PRDM15: variants seen among roughly 807,000 people sequenced by gnomAD.
PRDM15 encodes the protein PR/SET domain 15.
A neutral mutation model predicts 128.6 loss-of-function variants in PRDM15; 64 were observed. That is an observed-to-expected ratio of 0.50 (90% CI 0.41 to 0.61). PRDM15 has a LOEUF of 0.61. Ranked by LOEUF, PRDM15 falls within the 20% of genes least tolerant of loss-of-function variation. The pLI, the probability that PRDM15 is intolerant of heterozygous loss-of-function variation, is 0.00. For missense variants in PRDM15, 1,242 were observed against 1,569.1 expected, an observed-to-expected ratio of 0.79 and a Z score of 3.52; for synonymous variants, 615 against 621.8, an observed-to-expected ratio of 0.99 and a Z score of 0.16.
chr21:41,812,113 T>C (rs2061885767), intron 19 of PRDM15: 1 of 152,208 alleles, frequency 6.6e-6, no homozygotes, highest in Non-Finnish European at 1.5e-5. Context: ...CCACGGATTC[T>C]AAGACTCCAC....
chr21:41,834,139 C>A (rs2146547981), intron 11 of PRDM15, among the ~76,000 whole-genome samples: 1 of 152,298 alleles, frequency 6.6e-6, no homozygotes, highest in East Asian at 1.9e-4. Context: ...TCATGCCAGA[C>A]ATGGATCCTT....
chr21:41,830,820 T>C (rs1004417882), intron 11 of PRDM15, among the ~76,000 whole-genome samples: 6 of 152,194 alleles, frequency 3.9e-5, no homozygotes, highest in African/African-American at 4.8e-5. Context: ...AGTCAAACTG[T>C]GGTTTCGGCT....
rs1380889147 is a variant in PRDM15 at position 41,859,510 on chromosome 21, C to T, written c.131+82G>A. ...TCTGTTCTCCCTCAGGCTCCTTCCT[C>T]CCCGTCTGCAGACCCAAAGGCCACT... On this transcript the variant is annotated intron_variant, in intron 3 of 23. Transcript: ENST00000398548. The surrounding 1 kb of genome is among the most constrained non-coding windows in gnomAD (Gnocchi z 5.3). The T allele has an allele frequency of 8.9e-7, 1 of 1,120,184 alleles. No homozygotes were observed. The highest frequency in any genetic ancestry group is 1.3e-6 in the Non-Finnish European group (1 of 764,388). The allele number at this position is 1,120,184 out of a possible 1,614,324, so 69.4% of individuals were successfully genotyped here.
chr21:41,820,964 C>A (rs539880483), intron 16 of PRDM15, 103 bp downstream of exon 16: 1 of 1,456,498 alleles, frequency 6.9e-7, no homozygotes, highest in Non-Finnish European at 9.5e-7. Context: ...GAGGACATCA[C>A]TTGTTGGAAG....
intron 21 of PRDM15, among the ~76,000 whole-genome samples, chr21:41,806,420 ACC>A (rs2061635553): frequency 1.7e-5 from 1 of 60,342 alleles, no homozygotes; most frequent in Non-Finnish European, 3.5e-5. Context: ...CATCACCACC[ACC>A]ACCATCACCA....
At chr21:41,825,819 A>G in intron 13 of PRDM15, 141 bp downstream of exon 13, 1 of 624,232 alleles carries the variant, frequency 1.6e-6, no homozygotes, top group Admixed American at 3.0e-5. Flanking sequence ...ATGGGTGGAC[A>G]CCAGTTTAAG....
chr21:41,826,407 C>T (rs76916727), intron 12 of PRDM15, among the ~76,000 whole-genome samples: 3,230 of 152,256 alleles, frequency 0.021, 108 homozygotes, highest in African/African-American at 0.074. Flanking sequence ...ACTTCTAACT[C>T]CATCTAAAGG....
At position 41,878,828 on chromosome 21, in the gene PRDM15, G is replaced by T. The variant is rs1294403624; in HGVS notation, c.-10+442C>A. 10 of 989,014 alleles carry T rather than the reference G, an allele frequency of 1.0e-5. No homozygotes were observed. In the African/African-American group the frequency reaches 3.5e-4, roughly 34 times the overall value. The allele number at this position is 989,014 out of a possible 1,614,324, so 61.3% of individuals were successfully genotyped here. A position where few individuals can be genotyped will look rare whatever the true frequency, so the allele number is the denominator to read the frequency against. ...GCGACGACGCCGCCCGGCGGCGGGG[G>T]CCGCGGGGCCGCGGGCCGGGGCGGC... On this transcript the variant is annotated intron_variant, in intron 1 of 23. Transcript: ENST00000398548.
chr21:41,860,391 G>T lies in PRDM15; in HGVS notation c.-9-19C>A. The T allele has an allele frequency of 6.2e-7, 1 of 1,610,462 alleles. No homozygotes were observed. ...CTGACACCTGTCAGGATACAAGAGA[G>T]CCTCATTAATGACAAGCTCTTACCA... On this transcript the variant is annotated intron_variant, in intron 1 of 23. Transcript: ENST00000398548.
rs2063857492 is a variant in PRDM15 at position 41,862,610 on chromosome 21, T to A, written c.-9-2238A>T. Among the ~76,000 whole-genome samples the A allele has an allele frequency of 6.6e-6, 1 of 152,178 alleles. No individual in the cohort carries two copies. Among genetic ancestry groups the A allele is most frequent in the South Asian group, 2.1e-4 (1 of 4,834 alleles). On this transcript the variant is annotated intron_variant, in intron 1 of 23. Transcript: ENST00000398548. The surrounding 1 kb of genome is among the most constrained non-coding windows in gnomAD (Gnocchi z 4.1). Reference sequence around the variant, plus strand: ...GCAATAAGGGTCCCGATTAGCAGCATCTGGTCCCCAAAATGAGGCCTCTCT... The same window carrying A: ...GCAATAAGGGTCCCGATTAGCAGCAACTGGTCCCCAAAATGAGGCCTCTCT...
chr21:41,867,944 C>A (rs2064070876), intron 1 of PRDM15, among the ~76,000 whole-genome samples: 2 of 151,406 alleles, frequency 1.3e-5, no homozygotes, highest in South Asian at 4.2e-4. Flanking sequence ...GTAATCCCAG[C>A]TACTTGGGAG....
chr21:41,820,007 T>C (rs2146372828), intron 17 of PRDM15, 88 bp downstream of exon 17: 1 of 1,129,894 alleles, frequency 8.9e-7, no homozygotes, highest in South Asian at 1.3e-5. Flanking sequence ...GACGGCTCTG[T>C]GTGTAGAATA....
At chr21:41,835,964 CCCCCGCCCACTCTCCTCCCTCCCCCACA>C in intron 10 of PRDM15, 121 bp downstream of exon 10, 5 of 114,258 alleles carry the variant, frequency 4.4e-5, no homozygotes, top group Non-Finnish European at 7.0e-5. Context: ...TCCCCCACAG[CCCCCGCCCACTCTCCTCCCTCCCCCACA>C]GCCCCCGCCC....
At position 41,847,134 on chromosome 21, in the gene PRDM15, C is replaced by T; in HGVS notation, c.596G>A (p.Cys199Tyr). 6.4e-7 allele frequency: 1 copy of T among 1,555,766 alleles called. No homozygotes were observed. Among genetic ancestry groups the T allele is most frequent in the South Asian group, 1.2e-5 (1 of 84,322 alleles). ...CAGGAAGGTGGCAGAACACACTTTA[C>T]ACGCCCACTGGCTGGGCTCCGACTC... is the stretch of plus-strand genomic sequence containing the variant. ...PVESEPSQWA[C>Y]KVCSATFLEL... Residue 199 changes from cysteine (C) to tyrosine (Y), a missense_variant, in exon 6 of 24, where the codon TGT becomes TAT. By Grantham distance (194) the Cys-to-Tyr change is radical. Coordinates refer to ENST00000398548, the MANE Select transcript of PRDM15 (RefSeq NM_001040424.3).
intron 18 of PRDM15, among the ~76,000 whole-genome samples, chr21:41,816,977 T>G (rs779009639): frequency 4.6e-5 from 7 of 151,636 alleles, no homozygotes; most frequent in Non-Finnish European, 7.4e-5. Context: ...AATGAACATA[T>G]TCCAAATTTC....
At chr21:41,866,159 A>G (rs2064000822) in intron 1 of PRDM15, among the ~76,000 whole-genome samples, 1 of 152,170 alleles carries the variant, frequency 6.6e-6, no homozygotes, top group Admixed American at 6.6e-5. Flanking sequence ...AGCCCTGATA[A>G]ATCTTTTGAC....
intron 1 of PRDM15, among the ~76,000 whole-genome samples, chr21:41,868,607 G>A (rs796178194): frequency 3.3e-5 from 5 of 151,964 alleles, no homozygotes; most frequent in South Asian, 2.1e-4. Flanking sequence ...ATCTTTTCAC[G>A]TGCTTGTAGG....
intron 1 of PRDM15, chr21:41,871,664 C>A: frequency 6.4e-7 from 1 of 1,572,434 alleles, no homozygotes; most frequent in Non-Finnish European, 8.7e-7. Flanking sequence ...ATGAGAAGCC[C>A]ACTGTCCCTC....
At position 41,811,087 on chromosome 21, in the gene PRDM15, C is replaced by T; in HGVS notation, c.2393-251G>A. The T allele has an allele frequency of 2.1e-6, 1 of 483,240 alleles. No individual in the cohort carries two copies. Among genetic ancestry groups the T allele is most frequent in the Non-Finnish European group, 3.8e-6 (1 of 265,902 alleles). The allele number at this position is 483,240 out of a possible 1,614,324, so 29.9% of individuals were successfully genotyped here. A position where few individuals can be genotyped will look rare whatever the true frequency, so the allele number is the denominator to read the frequency against. The stretch of plus-strand genomic sequence containing the variant: ...ATGTGGGAAAGGCTGTCTGAAAACA[C>T]AGACAGAAAGTGGAACCCACATGTG... On this transcript the variant is annotated intron_variant, in intron 19 of 23. Transcript: ENST00000398548. The surrounding 1 kb of genome is among the most constrained non-coding windows in gnomAD (Gnocchi z 4.1).
Sources: gnomAD v4.1 joint callset for allele counts (sites outside exome capture counted in the v4.1 genomes callset) on GRCh38, gnomAD v4.1.1 for gene constraint, Gnocchi (gnomAD v3.1) non-coding constraint, MANE v1.5 for transcripts, NCBI Gene and HGNC (gene_info 2026-07-23, HGNC 2026-07-21) for gene names.